TOP1MT: variants seen among roughly 807,000 people sequenced by gnomAD.
The protein encoded by TOP1MT is DNA topoisomerase I mitochondrial, also known as DNA topoisomerase I, mitochondrial.
In TOP1MT, 80 loss-of-function variants were observed where a neutral mutation model predicts 73.9. That is an observed-to-expected ratio of 1.08 (90% CI 0.90 to 1.30). The LOEUF (loss-of-function observed/expected upper bound fraction) is 1.30, where lower values mean the gene tolerates loss of function less well. TOP1MT is among the 50% of genes most tolerant of loss of function. TOP1MT has a pLI of 0.00. For missense variants in TOP1MT, 815 were observed against 808.0 expected (o/e 1.01, Z -0.10); for synonymous variants, 338 against 326.4 (o/e 1.04, Z -0.38).
chr8:143,314,680 T>C (rs1218449353), intron 12 of TOP1MT, among the ~76,000 whole-genome samples: 1 of 150,944 alleles, frequency 6.6e-6, no homozygotes, highest in African/African-American at 2.4e-5. Flanking sequence ...CACATCTGGG[T>C]TGGTGTGGGC....
At chr8:143,346,437 G>T (rs1165801107), upstream of TOP1MT, among the ~76,000 whole-genome samples, 2 of 152,106 alleles carry the variant, frequency 1.3e-5, no homozygotes, top group African/African-American at 4.8e-5. Flanking sequence ...CTCACAAAAT[G>T]ATTTTTTAAA....
At chr8:143,323,139 CACA>C (rs1816566532) in intron 7 of TOP1MT, among the ~76,000 whole-genome samples, 1 of 105,114 alleles carries the variant, frequency 9.5e-6, no homozygotes, top group Admixed American at 1.0e-4. Context: ...ACAGGCACAC[CACA>C]CACAGGCACG....
chr8:143,322,141 G>GAT (rs1586758673), intron 7 of TOP1MT, among the ~76,000 whole-genome samples: 2 of 21,856 alleles, frequency 9.2e-5, no homozygotes, highest in African/African-American at 1.1e-4. Context: ...ACGCCACACA[G>GAT]GCACGCCACA....
At chr8:143,323,033 TGCACGCCACACAG>T (rs149028348) in intron 7 of TOP1MT, among the ~76,000 whole-genome samples, 1,801 of 28,612 alleles carry the variant, frequency 0.063, 8 homozygotes, top group African/African-American at 0.15. Flanking sequence ...CACACACACA[TGCACGCCACACAG>T]GCACGCCACA....
Position 143,317,839 on chromosome 8 carries a change from TG to T in TOP1MT, c.1216-3del, listed in dbSNP as rs745363476. The T allele has an allele frequency of 1.9e-6, 3 of 1,613,896 alleles. No homozygotes were observed. The highest frequency in any genetic ancestry group is 1.7e-6 in the Non-Finnish European group (2 of 1,179,944). ...GAGGTGCTTGTTCAGGCTGGTCGTC[TG>T]GGGAGGAAAATGGTCTCTATAATTA... On this transcript the variant is annotated splice_polypyrimidine_tract_variant and splice_region_variant and intron_variant, in intron 9 of 13. Coordinates refer to ENST00000329245, the MANE Select transcript of TOP1MT (RefSeq NM_052963.3).
rs747066219 is a variant in TOP1MT, at chr8:143,321,579, G to GGCACGCCACACGCAC, written c.961-208_961-194dup. Among the ~76,000 whole-genome samples, 337 of 36,340 alleles carry GGCACGCCACACGCAC rather than the reference G, an allele frequency of 9.3e-3. 4 individuals are homozygous for GGCACGCCACACGCAC. The highest frequency in any genetic ancestry group is 0.012 in the South Asian group (12 of 1,038). The allele number at this position is 36,340 out of a possible 152,430, so 23.8% of individuals were successfully genotyped here. On this transcript the variant is annotated intron_variant, in intron 7 of 13. Transcript: ENST00000329245. ...ACGCCACACACACGCACGCCACACAGGCACGCCACACGCACGCACGCCACA... is the reference window on the plus strand; with the variant it reads ...ACGCCACACACACGCACGCCACACAGGCACGCCACACGCACGCACGCCACACGCACGCACGCCACA...
chr8:143,322,550 ACG>A (rs2130116179), intron 7 of TOP1MT, among the ~76,000 whole-genome samples: 1 of 80,772 alleles, frequency 1.2e-5, no homozygotes, highest in Non-Finnish European at 2.6e-5. Context: ...CGCCACACAC[ACG>A]CACGCCACAC....
At chr8:143,340,999 CT>C (rs1283913514) in intron 2 of TOP1MT, among the ~76,000 whole-genome samples, 1 of 152,180 alleles carries the variant, frequency 6.6e-6, no homozygotes, top group Non-Finnish European at 1.5e-5. Flanking sequence ...CCTGGCCACG[CT>C]TCGCACCTCT....
At chr8:143,357,681 G>A (rs1263432375), upstream of TOP1MT, among the ~76,000 whole-genome samples, 2 of 152,192 alleles carry the variant, frequency 1.3e-5, no homozygotes, top group Non-Finnish European at 2.9e-5. Flanking sequence ...CAGCACTTTA[G>A]GAGGCTGAAG....
chr8:143,342,857 T>C lies in TOP1MT; in HGVS notation c.29+363A>G, dbSNP rs569543633. ...TGGAGTGCAGTGGCGTGATCTCGGC[T>C]CACTGCAACCTCTGCCTCCCGGGTT... On this transcript the variant is annotated intron_variant, in intron 2 of 5. Coordinates refer to the TOP1MT transcript ENST00000518007. Among the ~76,000 whole-genome samples the C allele has an allele frequency of 2.4e-3, 362 of 151,064 alleles. 1 individual carries two copies. The highest frequency in any genetic ancestry group is 8.2e-3 in the African/African-American group (336 of 41,090).
chr8:143,352,267 G>A lies in TOP1MT; in HGVS notation c.-39+3698C>T, dbSNP rs1235072758. On this transcript the variant is annotated intron_variant, in intron 1 of 5. Coordinates refer to the TOP1MT transcript ENST00000518760. ...GTCTTTTAAAAAGAAGAACAAATTA[G>A]AGGATTCATACTTCCTGATTTCAAA... is the stretch of plus-strand genomic sequence containing the variant. Among the ~76,000 whole-genome samples, 4 of 152,144 alleles carry A rather than the reference G, an allele frequency of 2.6e-5. No individual in the cohort carries two copies. In the South Asian group the frequency reaches 8.3e-4, roughly 32 times the overall value.
upstream of TOP1MT, among the ~76,000 whole-genome samples, chr8:143,349,936 G>A (rs997851805): frequency 3.3e-5 from 5 of 152,136 alleles, no homozygotes; most frequent in South Asian, 1.0e-3. Context: ...CCACCGTGCT[G>A]GGCCTCATCT....
At chr8:143,323,295 C>G (rs375361439) in intron 7 of TOP1MT, among the ~76,000 whole-genome samples, 1 of 125,514 alleles carries the variant, frequency 8.0e-6, no homozygotes, top group Non-Finnish European at 1.6e-5. Context: ...CACACACGCA[C>G]GCCACACACA....
chr8:143,346,444 T>A (rs534466483), upstream of TOP1MT, among the ~76,000 whole-genome samples: 11 of 152,238 alleles, frequency 7.2e-5, no homozygotes, highest in African/African-American at 2.2e-4. Context: ...AATGATTTTT[T>A]AAAAAAAGAT....
At chr8:143,336,351 G>C (rs1461912527), upstream of TOP1MT, among the ~76,000 whole-genome samples, 1 of 152,046 alleles carries the variant, frequency 6.6e-6, no homozygotes, top group Non-Finnish European at 1.5e-5. Context: ...TTTCTCAATA[G>C]ATGCAGAAAA....
intron 8 of TOP1MT, 80 bp downstream of exon 8, chr8:143,321,121 A>G (rs1816327637): frequency 1.4e-6 from 2 of 1,431,248 alleles, no homozygotes; most frequent in Admixed American, 2.1e-5. Context: ...CACAGACCCC[A>G]CGGCAGCTCC....
At chr8:143,335,144 G>C (rs1295233092), upstream of TOP1MT, among the ~76,000 whole-genome samples, 1 of 152,256 alleles carries the variant, frequency 6.6e-6, no homozygotes, top group Non-Finnish European at 1.5e-5. Flanking sequence ...CACAGGGCTG[G>C]CTGTCAGGAT....
rs371055455 is a variant in TOP1MT, at chr8:143,331,353, C to T, written c.123-14G>A. 1.1e-4 allele frequency: 176 copies of T among 1,602,198 alleles called. No individual in the cohort carries two copies. The highest frequency in any genetic ancestry group is 1.4e-4 in the Non-Finnish European group (168 of 1,171,006). On this transcript the variant is annotated splice_polypyrimidine_tract_variant and intron_variant, in intron 1 of 13. Transcript: ENST00000329245. ...TCCTTCTCCCACCTAAAGACGGAGA[C>T]AGGACGTGTCACTCTCCTGGGCCAG...
rs1294593132 is a variant in TOP1MT, at chr8:143,325,391, A to G, written c.626T>C (p.Leu209Pro). 1.9e-6 allele frequency: 3 copies of G among 1,610,320 alleles called. No homozygotes were observed. Among genetic ancestry groups the G allele is most frequent in the East Asian group, 2.2e-5 (1 of 44,760 alleles). Residue 209 changes from leucine to proline, a missense_variant, in exon 5 of 14, where the codon CTG becomes CCG. Transcript: ENST00000329245. ...ATCCTCTGGCGTGATCCTTCTCTTC[A>G]GCATCCCCATCTTGGGATGGTCGCC... ...GRGDHPKMGMLKRRITPEDVV... is the reference protein window; with the variant it reads ...GRGDHPKMGMPKRRITPEDVV...
Sources: gnomAD v4.1 joint callset for allele counts (sites outside exome capture counted in the v4.1 genomes callset) on GRCh38, gnomAD v4.1.1 for gene constraint, MANE v1.5 for transcripts, NCBI Gene and HGNC (gene_info 2026-07-23, HGNC 2026-07-21) for gene names.